Variants in KCNH1 observed in about 807,000 individuals in gnomAD.
KCNH1 encodes the protein voltage-gated delayed rectifier potassium channel KCNH1.
A neutral mutation model predicts 69.2 loss-of-function variants in KCNH1; 27 were observed. That is an observed-to-expected ratio of 0.39 (90% confidence interval 0.29 to 0.54). The LOEUF is 0.54. Ranked by LOEUF, KCNH1 falls within the 20% of genes least tolerant of loss-of-function variation. The probability of loss-of-function intolerance (pLI) is 0.68; values close to 1 mark genes in which losing one functional copy is unlikely to be tolerated. For synonymous variants in KCNH1, 456 were observed against 487.7 expected, an observed-to-expected ratio of 0.93 and a Z score of 0.86; for missense variants, 798 against 1,261.6, an observed-to-expected ratio of 0.63 and a Z score of 5.57.
chr1:210,970,223 C>T (rs1688486827), intron 6 of KCNH1, among the ~76,000 whole-genome samples: 1 of 151,964 alleles, frequency 6.6e-6, no homozygotes, highest in Non-Finnish European at 1.5e-5. Context: ...GGTTTTAAGC[C>T]TTGCACACAT....
intron 10 of KCNH1, among the ~76,000 whole-genome samples, chr1:210,737,952 C>G (rs553625997): frequency 6.6e-6 from 1 of 152,188 alleles, no homozygotes; most frequent in African/African-American, 2.4e-5. Flanking sequence ...GAACATATCA[C>G]TCCCCTGCTC....
At chr1:211,020,783 G>A (rs1689574292) in intron 5 of KCNH1, among the ~76,000 whole-genome samples, 1 of 151,672 alleles carries the variant, frequency 6.6e-6, no homozygotes, top group African/African-American at 2.4e-5. Context: ...TCAAAAAAAA[G>A]GTATACTCTA....
intron 5 of KCNH1, among the ~76,000 whole-genome samples, chr1:211,043,216 C>A (rs1571602246): frequency 6.6e-6 from 1 of 151,934 alleles, no homozygotes; most frequent in East Asian, 1.9e-4. Context: ...GCAAGATTAA[C>A]CAAGAAAAGA....
chr1:210,923,533 A>G (rs1687506090), intron 6 of KCNH1, among the ~76,000 whole-genome samples: 1 of 152,244 alleles, frequency 6.6e-6, no homozygotes, highest in South Asian at 2.1e-4. Flanking sequence ...TGTTGCAAGC[A>G]TCCCACATGG....
rs139361763 is a variant in KCNH1, at chr1:210,732,360, G to T, written c.2112+42988C>A. ...GAGGTACCTGGGAGATAGTGGGTCAGACAAGAAAGGAATACAATTCATGTA... is the reference window on the plus strand; with the variant it reads ...GAGGTACCTGGGAGATAGTGGGTCATACAAGAAAGGAATACAATTCATGTA... On this transcript the variant is annotated intron_variant, in intron 10 of 10. Coordinates refer to ENST00000271751, the MANE Select transcript of KCNH1 (RefSeq NM_172362.3). Among the ~76,000 whole-genome samples the T allele has an allele frequency of 1.7e-3, 252 of 152,100 alleles. 1 individual carries two copies. The highest frequency in any genetic ancestry group is 5.9e-3 in the African/African-American group (245 of 41,520).
chr1:211,038,974 G>T (rs1689945754), intron 5 of KCNH1, among the ~76,000 whole-genome samples: 1 of 152,218 alleles, frequency 6.6e-6, no homozygotes, highest in South Asian at 2.1e-4. Context: ...GAATCCCCAA[G>T]ACCATGGGGA....
chr1:211,029,859 A>G (rs138020762), intron 5 of KCNH1, among the ~76,000 whole-genome samples: 110 of 152,372 alleles, frequency 7.2e-4, no homozygotes, highest in African/African-American at 2.5e-3. Flanking sequence ...GATACAAGAT[A>G]CACATATAAA....
intron 6 of KCNH1, among the ~76,000 whole-genome samples, chr1:210,998,640 C>A (rs1689103134): frequency 6.6e-6 from 1 of 152,196 alleles, no homozygotes; most frequent in South Asian, 2.1e-4. Flanking sequence ...AGGAATTGAA[C>A]TCAGCTCTGC....
chr1:210,949,698 G>A (rs920541521), intron 6 of KCNH1, among the ~76,000 whole-genome samples: 4 of 152,164 alleles, frequency 2.6e-5, no homozygotes, highest in African/African-American at 7.2e-5. Context: ...TGATTTTAGT[G>A]ATATGATCAG....
At chr1:210,915,282 T>A (rs1183410386) in intron 7 of KCNH1, among the ~76,000 whole-genome samples, 1 of 152,084 alleles carries the variant, frequency 6.6e-6, no homozygotes, top group South Asian at 2.1e-4. Flanking sequence ...GACTGTCAAC[T>A]CCTTAAGAGC....
chr1:210,790,769 G>A (rs1208050752), intron 9 of KCNH1, among the ~76,000 whole-genome samples: 1 of 152,136 alleles, frequency 6.6e-6, no homozygotes, highest in East Asian at 1.9e-4. Flanking sequence ...CAGCCTCCTG[G>A]TCTCTCCGTT....
At chr1:210,950,083 A>G (rs976190513) in intron 6 of KCNH1, among the ~76,000 whole-genome samples, 1 of 152,202 alleles carries the variant, frequency 6.6e-6, no homozygotes, top group African/African-American at 2.4e-5. Context: ...TTTCTCTCCC[A>G]CCTTCATTCT....
rs2102414011 is a variant in KCNH1 at position 211,018,837 on chromosome 1, C to T, written c.978G>A (p.Gly326=). 1 of 1,613,850 alleles carries T rather than the reference C, an allele frequency of 6.2e-7. No individual in the cohort carries two copies. The highest frequency in any genetic ancestry group is 8.5e-7 in the Non-Finnish European group (1 of 1,179,876). The part of the protein sequence containing the change: ...DEVSAFMGDP[G]KIGFADQIPP... ...GAATCTGATCAGCAAAACCAATCTTCCCTGGATCACCCATAAAGGCACTAA... is the reference window on the plus strand; with the variant it reads ...GAATCTGATCAGCAAAACCAATCTTTCCTGGATCACCCATAAAGGCACTAA... The change falls in exon 6 of 11, where the codon GGG becomes GGA. Residue 326 remains glycine (G), a synonymous_variant. Coordinates refer to ENST00000271751, the MANE Select transcript of KCNH1 (RefSeq NM_172362.3).
chr1:210,746,827 G>A (rs112231857), intron 10 of KCNH1, among the ~76,000 whole-genome samples: 10,126 of 152,192 alleles, frequency 0.067, 369 homozygotes, highest in Admixed American at 0.099. Context: ...GATTACAGGC[G>A]AGAGCCACCA....
intron 7 of KCNH1, among the ~76,000 whole-genome samples, chr1:210,877,771 G>A (rs141103113): frequency 7.2e-5 from 11 of 152,170 alleles, no homozygotes; most frequent in Middle Eastern, 3.4e-3. Flanking sequence ...TTCTACACTA[G>A]GTCATTAGCT....
intron 6 of KCNH1, among the ~76,000 whole-genome samples, chr1:211,007,266 A>G (rs1221675490): frequency 6.6e-6 from 1 of 152,210 alleles, no homozygotes; most frequent in Non-Finnish European, 1.5e-5. Context: ...AGAAATCATA[A>G]GATGTCTGCA....
intron 7 of KCNH1, among the ~76,000 whole-genome samples, chr1:210,815,004 A>G (rs931502997): frequency 1.3e-5 from 2 of 152,156 alleles, no homozygotes; most frequent in Non-Finnish European, 2.9e-5. Context: ...ACTGTCTCAA[A>G]GAGGTGAGTT....
At chr1:210,987,055 C>T (rs1375449301) in intron 6 of KCNH1, among the ~76,000 whole-genome samples, 1 of 152,176 alleles carries the variant, frequency 6.6e-6, no homozygotes, top group Non-Finnish European at 1.5e-5. Context: ...CACTGATACC[C>T]TTTCTTCCAG....
chr1:210,763,302 A>G (rs1034012905), intron 10 of KCNH1, among the ~76,000 whole-genome samples: 4 of 152,082 alleles, frequency 2.6e-5, no homozygotes, highest in African/African-American at 4.8e-5. Context: ...CATTCGCCCT[A>G]AGAACTAGAA....
Sources: gnomAD v4.1 joint callset for allele counts (sites outside exome capture counted in the v4.1 genomes callset) on GRCh38, gnomAD v4.1.1 for gene constraint, MANE v1.5 for transcripts, NCBI Gene and HGNC (gene_info 2026-07-23, HGNC 2026-07-21) for gene names.